The following NYAP2 variants were observed in gnomAD, a reference collection of about 807,000 sequenced individuals.
The protein encoded by NYAP2 is neuronal tyrosine-phosphorylated phosphoinositide-3-kinase adaptor 2.
Under a neutral mutation model 50.4 loss-of-function variants are expected in NYAP2, and 23 were observed. That is an observed-to-expected ratio of 0.46 (90% confidence interval 0.33 to 0.65). NYAP2 has a LOEUF of 0.65. Among genes scored for constraint, NYAP2 ranks in the 30% least tolerant of loss-of-function variants. NYAP2 has a pLI of 0.02. For missense variants in NYAP2, 885 were observed against 861.0 expected (o/e 1.03, Z -0.35); for synonymous variants, 394 against 365.2 (o/e 1.08, Z -0.90).
Position 225,632,405 on chromosome 2 carries a change from C to G in NYAP2, c.1828+5279C>G, listed in dbSNP as rs569136150. On this transcript the variant is annotated intron_variant, in intron 6 of 6. Transcript: ENST00000636099. ...TCTGCGTCTATTTCTCTCTGTCCCC[C>G]CTCCACACTGATATACATACAAACT... Among the ~76,000 whole-genome samples, 19 of 152,264 alleles carry G rather than the reference C, an allele frequency of 1.2e-4. 1 individual carries two copies. The East Asian group carries it at 1.5e-3, about 12-fold the overall frequency.
chr2:225,689,629 C>T, the NYAP2 span, among the ~76,000 whole-genome samples: 1 of 152,032 alleles, frequency 6.6e-6, no homozygotes, highest in African/African-American at 2.4e-5. Flanking sequence ...ACTGCAATTC[C>T]AGTACATGCT....
At chr2:225,673,557 T>A in the NYAP2 span, among the ~76,000 whole-genome samples, 1 of 152,110 alleles carries the variant, frequency 6.6e-6, no homozygotes, top group African/African-American at 2.4e-5. Flanking sequence ...ATACACACAA[T>A]CTTTGGATTA....
intron 6 of NYAP2, among the ~76,000 whole-genome samples, chr2:225,632,008 G>A (rs150643628): frequency 9.4e-4 from 143 of 152,204 alleles, no homozygotes; most frequent in African/African-American, 3.4e-3. Flanking sequence ...AGTAGAGACG[G>A]GGTTTCATCG....
rs138957015 is a variant in NYAP2 at position 225,546,959 on chromosome 2, C to T, written c.523+33287C>T. 5.9e-5 allele frequency among the ~76,000 whole-genome samples: 9 copies of T among 152,178 alleles called. No individual in the cohort carries two copies. The East Asian group carries it at 1.4e-3, about 23-fold the overall frequency. Reference sequence around the variant, plus strand: ...TCAAAGCAGTGGGTTTTCTTCAGGCCCAGAGTGTGTCTAGAAAGGTCATAT... The same window carrying T: ...TCAAAGCAGTGGGTTTTCTTCAGGCTCAGAGTGTGTCTAGAAAGGTCATAT... On this transcript the variant is annotated intron_variant, in intron 4 of 6. Coordinates refer to ENST00000636099, the Ensembl canonical transcript of NYAP2.
upstream of NYAP2, among the ~76,000 whole-genome samples, chr2:225,398,997 G>A (rs959703236): frequency 3.9e-5 from 6 of 152,034 alleles, no homozygotes; most frequent in Non-Finnish European, 7.4e-5. Flanking sequence ...GTTTATTTTT[G>A]TGGTCTGTCA....
chr2:225,432,886 C>T (rs181312161), intron 3 of NYAP2, among the ~76,000 whole-genome samples: 3 of 152,116 alleles, frequency 2.0e-5, no homozygotes, highest in Admixed American at 6.5e-5. Context: ...CATATTTTAG[C>T]GGTCAAGTAG....
chr2:225,655,545 T>A (rs746236572), downstream of NYAP2, among the ~76,000 whole-genome samples: 1 of 152,224 alleles, frequency 6.6e-6, no homozygotes, highest in African/African-American at 2.4e-5. Flanking sequence ...CTCTTTTGTA[T>A]TCTCTGTAAT....
the NYAP2 span, among the ~76,000 whole-genome samples, chr2:225,670,126 C>A: frequency 6.6e-6 from 1 of 152,124 alleles, no homozygotes; most frequent in African/African-American, 2.4e-5. Context: ...TTCCTCTGAC[C>A]AAATCCATTT....
At chr2:225,581,271 A>G (rs894326243) in intron 4 of NYAP2, among the ~76,000 whole-genome samples, 7 of 152,182 alleles carry the variant, frequency 4.6e-5, no homozygotes, top group African/African-American at 1.7e-4. Flanking sequence ...TTGGAATATC[A>G]TAAGAGATCT....
chr2:225,398,400 G>A (rs752087162), upstream of NYAP2, among the ~76,000 whole-genome samples: 22 of 152,014 alleles, frequency 1.4e-4, no homozygotes, highest in Non-Finnish European at 2.4e-4. Context: ...TCATGATAAA[G>A]TGTTTCCGTT....
rs555140823 is a variant in NYAP2, at chr2:225,426,720, A to G, written c.221+17619A>G. ...TTAATAAGACAAGCGAAGAGATAAC[A>G]TATTAGTACAGTTTGATGATTATTA... On this transcript the variant is annotated intron_variant, in intron 3 of 6. Transcript: ENST00000636099. Among the ~76,000 whole-genome samples the G allele has an allele frequency of 1.1e-4, 16 of 152,316 alleles. No homozygotes were observed. In the South Asian group the frequency reaches 2.5e-3, roughly 24 times the overall value.
intron 3 of NYAP2, among the ~76,000 whole-genome samples, chr2:225,468,922 G>A (rs1244601405): frequency 6.6e-6 from 1 of 152,064 alleles, no homozygotes; most frequent in Non-Finnish European, 1.5e-5. Context: ...TCTGCCATTT[G>A]GCCAGGTAGT....
At chr2:225,446,250 A>ATATATATATATATATATATATATAT in intron 3 of NYAP2, among the ~76,000 whole-genome samples, 1 of 73,242 alleles carries the variant, frequency 1.4e-5, no homozygotes, top group African/African-American at 4.1e-5. Flanking sequence ...CTCTCTCTAT[A>ATATATATATATATATATATATATAT]TATATATATA....
chr2:225,582,326 C>G lies in NYAP2; in HGVS notation c.909C>G (p.Asp303Glu). 2 of 1,614,024 alleles carry G rather than the reference C, an allele frequency of 1.2e-6. No homozygotes were observed. Among genetic ancestry groups the G allele is most frequent in the Non-Finnish European group, 1.7e-6 (2 of 1,179,876 alleles). ...AGTGTGCTACTCCCACGGTGCCTGA[C>G]TTGGACTTCGCCAAGGCCTCAGTGC... is the stretch of plus-strand genomic sequence containing the variant. Residue 303 changes from aspartate (D) to glutamate (E), a missense_variant, in exon 5 of 7, where the codon GAC becomes GAG. By Grantham distance (45) the Asp-to-Glu change is conservative. Transcript: ENST00000636099. This position sits in a 1 kb window ranked among gnomAD's most constrained non-coding sequence, Gnocchi z 7.0.
the NYAP2 span, chr2:225,702,221 G>C: frequency 1.3e-5 from 2 of 151,634 alleles, no homozygotes; most frequent in Non-Finnish European, 3.0e-5. Context: ...AAGAAAAATG[G>C]TACCTATAGC....
At chr2:225,499,151 T>C (rs1394251436) in intron 3 of NYAP2, among the ~76,000 whole-genome samples, 2 of 151,706 alleles carry the variant, frequency 1.3e-5, no homozygotes, top group African/African-American at 4.8e-5. Flanking sequence ...GTAGGACAAA[T>C]TGGAAAAATG....
intron 4 of NYAP2, among the ~76,000 whole-genome samples, chr2:225,544,975 A>AT (rs888913132): frequency 8.6e-5 from 13 of 151,780 alleles, no homozygotes; most frequent in African/African-American, 2.7e-4. Context: ...GGTAAAAGTT[A>AT]TTTTTTTTCC....
At position 225,541,244 on chromosome 2, in the gene NYAP2, T is replaced by C. The variant is rs1574667721; in HGVS notation, c.523+27572T>C. ...ATTTTATTCCATTTTGTAGGTTGTCTCTTCACTTTGTTTATTGTTTCCTTT... is the reference window on the plus strand; with the variant it reads ...ATTTTATTCCATTTTGTAGGTTGTCCCTTCACTTTGTTTATTGTTTCCTTT... On this transcript the variant is annotated intron_variant, in intron 4 of 6. Coordinates refer to ENST00000636099, the Ensembl canonical transcript of NYAP2. Among the ~76,000 whole-genome samples, 6 of 152,238 alleles carry C rather than the reference T, an allele frequency of 3.9e-5. No homozygotes were observed. The South Asian group carries it at 1.2e-3, about 31-fold the overall frequency.
rs564467889 is a variant in NYAP2, at chr2:225,596,119, A to G, written c.1618+13084A>G. 2.0e-5 allele frequency among the ~76,000 whole-genome samples: 3 copies of G among 152,244 alleles called. No homozygotes were observed. The East Asian group carries it at 5.8e-4, about 29-fold the overall frequency. ...TGTTCATAGTGCACTACAGCCTCCA[A>G]CTTCTGGCCTCAAGCAATCCTCCTG... On this transcript the variant is annotated intron_variant, in intron 5 of 6. Transcript: ENST00000636099.
Sources: gnomAD v4.1 joint callset for allele counts (sites outside exome capture counted in the v4.1 genomes callset) on GRCh38, gnomAD v4.1.1 for gene constraint, Gnocchi (gnomAD v3.1) non-coding constraint, MANE v1.5 for transcripts, NCBI Gene and HGNC (gene_info 2026-07-23, HGNC 2026-07-21) for gene names.